URI1: variants seen among roughly 807,000 people sequenced by gnomAD.
URI1 encodes URI1 prefoldin like chaperone, also known as unconventional prefoldin RPB5 interactor 1.
Under a neutral mutation model 60.2 loss-of-function variants are expected in URI1, and 39 were observed. The ratio of observed to expected loss-of-function variants is 0.65; its 90% CI spans 0.50 to 0.85. The LOEUF (loss-of-function observed/expected upper bound fraction) is 0.85, where lower values mean the gene tolerates loss of function less well. URI1 is among the 40% of genes least tolerant of loss of function. URI1 has a pLI of 0.00. For missense variants in URI1, 691 were observed against 665.9 expected (o/e 1.04, Z -0.42); for synonymous variants, 251 against 236.8 (o/e 1.06, Z -0.55).
intron 1 of URI1, among the ~76,000 whole-genome samples, chr19:29,960,088 G>A (rs2055302926): frequency 6.6e-6 from 1 of 152,018 alleles, no homozygotes; most frequent in South Asian, 2.1e-4. Flanking sequence ...CCCATAAATT[G>A]GAAATACATT....
At chr19:29,994,508 G>A (rs922964126) in intron 4 of URI1, among the ~76,000 whole-genome samples, 2 of 151,726 alleles carry the variant, frequency 1.3e-5, no homozygotes, top group Admixed American at 1.3e-4. Flanking sequence ...TTACATAAGT[G>A]GAATCCTACA....
At chr19:29,982,233 A>G (rs1232311345) in intron 2 of URI1, among the ~76,000 whole-genome samples, 1 of 152,208 alleles carries the variant, frequency 6.6e-6, no homozygotes, top group Non-Finnish European at 1.5e-5. Flanking sequence ...TATAAATAGC[A>G]ACTCTAATCT....
intron 1 of URI1, among the ~76,000 whole-genome samples, chr19:29,952,703 G>A (rs913495791): frequency 3.3e-5 from 5 of 151,734 alleles, no homozygotes; most frequent in Admixed American, 6.6e-5. Context: ...TTTTATTATG[G>A]TAAACTAAAT....
intron 1 of URI1, among the ~76,000 whole-genome samples, chr19:29,962,782 C>T (rs1446356972): frequency 6.6e-6 from 1 of 151,834 alleles, no homozygotes; most frequent in Non-Finnish European, 1.5e-5. Flanking sequence ...GTTTAATAAA[C>T]CGTATTTCTT....
At chr19:30,000,876 T>G (rs1380073261) in intron 4 of URI1, among the ~76,000 whole-genome samples, 1 of 151,932 alleles carries the variant, frequency 6.6e-6, no homozygotes, top group African/African-American at 2.4e-5. Context: ...GTTGCCTATT[T>G]GTTTGTCCTT....
In URI1 at chr19:29,986,358, A is replaced by T; in HGVS notation, c.308A>T (p.Asn103Ile). The change falls in exon 4 of 11, where the codon AAC (asparagine) becomes ATC (isoleucine). Residue 103 changes from asparagine to isoleucine, a missense_variant. Asn to Ile is a moderately radical substitution (Grantham distance 149). Coordinates refer to ENST00000392271, the MANE Select transcript of URI1 (RefSeq NM_003796.3). ...TNEVTVLLGD[N>I]WFAKCSAKQA... Reference sequence around the variant, plus strand: ...GAAGTCACTGTTTTACTGGGGGACAACTGGTTTGCAAAGTGCTCAGCAAAG... The same window carrying T: ...GAAGTCACTGTTTTACTGGGGGACATCTGGTTTGCAAAGTGCTCAGCAAAG... 6.2e-7 allele frequency: 1 copy of T among 1,610,814 alleles called. No homozygotes were observed. The highest frequency in any genetic ancestry group is 8.5e-7 in the Non-Finnish European group (1 of 1,179,482).
intron 1 of URI1, among the ~76,000 whole-genome samples, chr19:29,963,261 C>T (rs575409111): frequency 7.2e-5 from 11 of 152,288 alleles, no homozygotes; most frequent in Admixed American, 6.5e-4. Context: ...CTGTGTTTCA[C>T]ATGTCTCTTA....
intron 1 of URI1, chr19:29,956,604 T>A: frequency 6.7e-7 from 1 of 1,500,810 alleles, no homozygotes; most frequent in African/African-American, 1.4e-5. Flanking sequence ...CAACACCTGG[T>A]CTCATCTGAA....
chr19:29,955,871 G>A (rs1260741050), intron 1 of URI1, among the ~76,000 whole-genome samples: 1 of 151,880 alleles, frequency 6.6e-6, no homozygotes, highest in Non-Finnish European at 1.5e-5. Context: ...GATTACAGGC[G>A]TGAGCCACCG....
chr19:30,007,603 A>G lies in URI1; in HGVS notation c.651A>G (p.Leu217=), dbSNP rs2055960982. The G allele has an allele frequency of 1.2e-6, 2 of 1,611,020 alleles. No homozygotes were observed. The highest frequency in any genetic ancestry group is 1.7e-6 in the Non-Finnish European group (2 of 1,178,544). ...DKELWARLEE[L]ERQEELLGEL... Reference sequence around the variant, plus strand: ...AACTGTGGGCTCGACTTGAAGAACTAGAGAGACAGGAAGAATTGCTGGGTG... The same window carrying G: ...AACTGTGGGCTCGACTTGAAGAACTGGAGAGACAGGAAGAATTGCTGGGTG... The change falls in exon 7 of 11, where the codon CTA becomes CTG. Residue 217 remains leucine (L), a synonymous_variant. Coordinates refer to ENST00000392271, the MANE Select transcript of URI1 (RefSeq NM_003796.3).
Position 30,012,269 on chromosome 19 carries a change from G to C in URI1, c.1179-16G>C, listed in dbSNP as rs188947714. On this transcript the variant is annotated splice_polypyrimidine_tract_variant and intron_variant, in intron 9 of 10. Coordinates refer to ENST00000392271, the MANE Select transcript of URI1 (RefSeq NM_003796.3). ...AGTTACGTATAGTGAATGCATATGT[G>C]TTTTGAATATCACAGAGCCTTTGTT... 291 of 1,603,684 alleles carry C rather than the reference G, an allele frequency of 1.8e-4. 1 individual carries two copies. The highest frequency in any genetic ancestry group is 5.9e-4 in the Admixed American group (35 of 59,376).
intron 1 of URI1, among the ~76,000 whole-genome samples, chr19:29,934,627 T>C (rs2054952807): frequency 6.6e-6 from 1 of 152,154 alleles, no homozygotes; most frequent in Non-Finnish European, 1.5e-5. Context: ...CTTCGACCTC[T>C]TGGGCTCAAG....
chr19:29,936,752 T>C (rs1568403608), intron 1 of URI1, among the ~76,000 whole-genome samples: 1 of 152,080 alleles, frequency 6.6e-6, no homozygotes, highest in Non-Finnish European at 1.5e-5. Context: ...CTCTGTTCAT[T>C]TTTCCTTTTC....
At chr19:29,942,766 C>A in intron 1 of URI1, 102 bp downstream of exon 1, 2 of 1,206,286 alleles carry the variant, frequency 1.7e-6, no homozygotes, top group Non-Finnish European at 1.0e-6. Context: ...CTGCCCGGGC[C>A]CCCGGAGGGA....
chr19:29,974,216 C>A (rs2055493123), intron 2 of URI1, among the ~76,000 whole-genome samples: 1 of 151,932 alleles, frequency 6.6e-6, no homozygotes, highest in African/African-American at 2.4e-5. Flanking sequence ...CAAATGAGAT[C>A]ATGTCTGTAG....
In URI1 at chr19:30,015,592, A is replaced by G. The variant is rs1338064264; in HGVS notation, c.*523A>G. On this transcript the variant is annotated 3_prime_UTR_variant, in exon 11 of 11. Coordinates refer to ENST00000392271, the MANE Select transcript of URI1 (RefSeq NM_003796.3). ...TCGCCCCTCTGAATGTCATACTGTA[A>G]TCTTTAAGGAAGAAAGCTACATGAA... 5.9e-6 allele frequency: 9 copies of G among 1,529,674 alleles called. No homozygotes were observed. The South Asian group carries it at 7.2e-5, about 12-fold the overall frequency. 94.8% of individuals were successfully genotyped at this position (1,529,674 alleles called of 1,614,324 possible). A position where few individuals can be genotyped will look rare whatever the true frequency, so the allele number is the denominator to read the frequency against.
chr19:29,969,842 G>A (rs1384795582), intron 1 of URI1, among the ~76,000 whole-genome samples: 1 of 152,088 alleles, frequency 6.6e-6, no homozygotes, highest in East Asian at 1.9e-4. Flanking sequence ...ATGGATTGAT[G>A]TAGTTTTAGC....
Position 29,923,877 on chromosome 19 carries a change from C to T in URI1, c.63+123C>T, listed in dbSNP as rs954646263. 254 of 1,003,420 alleles carry T rather than the reference C, an allele frequency of 2.5e-4. 9 individuals are homozygous for T. The South Asian group carries it at 3.6e-3, about 14-fold the overall frequency. 62.2% of individuals were successfully genotyped at this position (1,003,420 alleles called of 1,614,324 possible). ...AACAAGATACAGATGGCGCTGTAGA[C>T]ATAGCTATAGACCTGGAAGAGGGGC... On this transcript the variant is annotated intron_variant, in intron 1 of 10. Transcript: ENST00000360605.
At chr19:29,984,083 A>G (rs1193258494) in intron 2 of URI1, among the ~76,000 whole-genome samples, 1 of 152,182 alleles carries the variant, frequency 6.6e-6, no homozygotes, top group Admixed American at 6.5e-5. Context: ...TTTCATGTTC[A>G]TGATTTCAAC....
Sources: gnomAD v4.1 joint callset for allele counts (sites outside exome capture counted in the v4.1 genomes callset) on GRCh38, gnomAD v4.1.1 for gene constraint, MANE v1.5 for transcripts, NCBI Gene and HGNC (gene_info 2026-07-23, HGNC 2026-07-21) for gene names.